Variants in GRID1 observed in about 807,000 individuals in gnomAD.
GRID1 encodes the protein glutamate ionotropic receptor delta type subunit 1.
GRID1 carries 28 observed loss-of-function variants against 98.0 expected under a neutral mutation model. That is an observed-to-expected ratio of 0.29 (90% CI 0.21 to 0.39). GRID1 has a LOEUF of 0.39. Among genes scored for constraint, GRID1 ranks in the 10% least tolerant of loss-of-function variants. The probability of loss-of-function intolerance (pLI) is 1.00; values close to 1 mark genes in which losing one functional copy is unlikely to be tolerated. For synonymous variants in GRID1, 553 were observed against 538.5 expected (o/e 1.03, Z -0.37); for missense variants, 1,111 against 1,340.5 (o/e 0.83, Z 2.67).
In GRID1 at chr10:85,610,723, C is replaced by G. The variant is rs1013051643; in HGVS notation, c.2601+2684G>C. 4.6e-5 allele frequency among the ~76,000 whole-genome samples: 7 copies of G among 152,122 alleles called. No individual in the cohort carries two copies. In the East Asian group the frequency reaches 1.3e-3, roughly 29 times the overall value. The stretch of plus-strand genomic sequence containing the variant: ...ACATCTGTGCATGAGGAAGTAAGCT[C>G]CCTGAAGGCAGGGGCCAGGTCTCTA... On this transcript the variant is annotated intron_variant, in intron 15 of 15. Transcript: ENST00000327946.
chr10:86,325,662 T>C (rs1848038772), intron 2 of GRID1, among the ~76,000 whole-genome samples: 1 of 152,202 alleles, frequency 6.6e-6, no homozygotes. Flanking sequence ...TAAAAGAACA[T>C]AACAAGAGAA....
At chr10:86,347,571 G>A (rs974393242) in intron 2 of GRID1, among the ~76,000 whole-genome samples, 1 of 152,232 alleles carries the variant, frequency 6.6e-6, no homozygotes. Context: ...GGGCTCATTA[G>A]ACATCAGCCT....
In GRID1 at chr10:86,235,712, G is replaced by A. The variant is rs140540648; in HGVS notation, c.236-29064C>T. Among the ~76,000 whole-genome samples the A allele has an allele frequency of 2.8e-3, 431 of 152,312 alleles. 5 individuals are homozygous for A. The highest frequency in any genetic ancestry group is 9.8e-3 in the African/African-American group (406 of 41,582). Reference sequence around the variant, plus strand: ...TTTGAGGTTCATCCATGTTAAGCGTGTATCAGTGTTTCATTCTTTTGTATT... The same window carrying A: ...TTTGAGGTTCATCCATGTTAAGCGTATATCAGTGTTTCATTCTTTTGTATT... On this transcript the variant is annotated intron_variant, in intron 2 of 15. Transcript: ENST00000327946.
intron 13 of GRID1, among the ~76,000 whole-genome samples, chr10:85,626,753 C>T (rs1564681492): frequency 6.6e-6 from 1 of 152,122 alleles, no homozygotes; most frequent in Admixed American, 6.6e-5. Context: ...TACAGTGTTA[C>T]CTGTATTATG....
chr10:86,201,179 A>G (rs1248715736), intron 3 of GRID1, among the ~76,000 whole-genome samples: 1 of 152,260 alleles, frequency 6.6e-6, no homozygotes, highest in African/African-American at 2.4e-5. Context: ...ATGCCCACAG[A>G]CAATAAAGTA....
chr10:86,339,335 G>A (rs544453826), intron 2 of GRID1, among the ~76,000 whole-genome samples: 1 of 152,350 alleles, frequency 6.6e-6, no homozygotes, highest in African/African-American at 2.4e-5. Context: ...GGCCAGGCCA[G>A]GGCACCTCAA....
intron 4 of GRID1, among the ~76,000 whole-genome samples, chr10:86,036,869 C>G (rs1029854993): frequency 1.4e-4 from 22 of 152,218 alleles, no homozygotes; most frequent in African/African-American, 5.3e-4. Flanking sequence ...TCTGCCACTT[C>G]CCATTAGTGG....
intron 2 of GRID1, among the ~76,000 whole-genome samples, chr10:86,359,097 T>C (rs1004501531): frequency 6.6e-6 from 1 of 152,178 alleles, no homozygotes; most frequent in Non-Finnish European, 1.5e-5. Flanking sequence ...AGAGAATAAA[T>C]GTGTGTTGAT....
chr10:86,128,381 C>A (rs1844785099), intron 4 of GRID1, among the ~76,000 whole-genome samples: 1 of 152,174 alleles, frequency 6.6e-6, no homozygotes, highest in Admixed American at 6.5e-5. Flanking sequence ...CTGTGATGAT[C>A]TACCTCCCTC....
chr10:86,362,466 G>C (rs976574687), intron 2 of GRID1, among the ~76,000 whole-genome samples: 4 of 152,282 alleles, frequency 2.6e-5, no homozygotes, highest in African/African-American at 9.6e-5. Flanking sequence ...TCTGACAATG[G>C]ACATCTGTCA....
At chr10:86,241,672 G>A (rs1846638530) in intron 2 of GRID1, among the ~76,000 whole-genome samples, 1 of 152,172 alleles carries the variant, frequency 6.6e-6, no homozygotes, top group Admixed American at 6.5e-5. Flanking sequence ...TTTCTCATCA[G>A]TGAATAATAG....
intron 2 of GRID1, among the ~76,000 whole-genome samples, chr10:86,322,450 T>TG (rs1847984420): frequency 6.6e-6 from 1 of 152,134 alleles, no homozygotes; most frequent in Admixed American, 6.5e-5. Context: ...CTTGTTCTGT[T>TG]GCACAGGCTG....
intron 4 of GRID1, among the ~76,000 whole-genome samples, chr10:86,102,210 G>A (rs1844306528): frequency 6.6e-6 from 1 of 152,236 alleles, no homozygotes; most frequent in African/African-American, 2.4e-5. Flanking sequence ...CACTCTGGCT[G>A]CCTCAGAATG....
At position 85,887,358 on chromosome 10, in the gene GRID1, A is replaced by C. The variant is rs73342546; in HGVS notation, c.781-18178T>G. ...ATCCTGACCAGAGGCACATCATCTCATTAGCTGCCCCCTAAAAACTTATGG... is the reference window on the plus strand; with the variant it reads ...ATCCTGACCAGAGGCACATCATCTCCTTAGCTGCCCCCTAAAAACTTATGG... On this transcript the variant is annotated intron_variant, in intron 5 of 15. Transcript: ENST00000327946. Among the ~76,000 whole-genome samples, 892 of 152,274 alleles carry C rather than the reference A, an allele frequency of 5.9e-3. 7 individuals carry two copies. Among genetic ancestry groups the C allele is most frequent in the African/African-American group, 0.02 (843 of 41,554 alleles).
At chr10:85,871,658 A>G (rs1304920127) in intron 5 of GRID1, among the ~76,000 whole-genome samples, 3 of 152,234 alleles carry the variant, frequency 2.0e-5, no homozygotes, top group Non-Finnish European at 4.4e-5. Flanking sequence ...ATTAGTGATG[A>G]GGGTTTCAAA....
chr10:86,362,834 G>A (rs1848618512), intron 2 of GRID1, among the ~76,000 whole-genome samples: 1 of 152,346 alleles, frequency 6.6e-6, no homozygotes. Flanking sequence ...CGGGCTTGAG[G>A]AGAAAACACC....
intron 8 of GRID1, among the ~76,000 whole-genome samples, chr10:85,733,299 G>T (rs2132662979): frequency 6.6e-6 from 1 of 152,278 alleles, no homozygotes; most frequent in Middle Eastern, 3.4e-3. Context: ...GTCTTCATAA[G>T]CTGTCTAGAG....
intron 8 of GRID1, among the ~76,000 whole-genome samples, chr10:85,833,147 T>G (rs572892976): frequency 4.6e-5 from 7 of 152,234 alleles, no homozygotes; most frequent in Admixed American, 1.3e-4. Context: ...GAATCTTTTC[T>G]CCTCCACCCA....
intron 12 of GRID1, among the ~76,000 whole-genome samples, chr10:85,672,050 G>A (rs558889151): frequency 1.6e-4 from 24 of 152,332 alleles, no homozygotes; most frequent in African/African-American, 5.8e-4. Flanking sequence ...AACAGTGCAA[G>A]GTGAAGCAGC....
Sources: gnomAD v4.1 joint callset for allele counts (sites outside exome capture counted in the v4.1 genomes callset) on GRCh38, gnomAD v4.1.1 for gene constraint, MANE v1.5 for transcripts, NCBI Gene and HGNC (gene_info 2026-07-23, HGNC 2026-07-21) for gene names.